Variants in USP49 observed in about 807,000 individuals in gnomAD.
USP49 encodes the protein ubiquitin specific peptidase 49, also known as ubiquitin carboxyl-terminal hydrolase 49.
Under a neutral mutation model 58.6 loss-of-function variants are expected in USP49, and 24 were observed. The ratio of observed to expected loss-of-function variants is 0.41; its 90% CI spans 0.30 to 0.58. The LOEUF (loss-of-function observed/expected upper bound fraction) is 0.58. Ranked by LOEUF, USP49 falls within the 20% of genes least tolerant of loss-of-function variation. The pLI is 0.30. For missense variants in USP49, 703 were observed against 866.1 expected (o/e 0.81, Z 2.36); for synonymous variants, 408 against 365.1 (o/e 1.12, Z -1.34).
intron 3 of USP49, among the ~76,000 whole-genome samples, chr6:41,853,070 C>G (rs2127351204): frequency 6.6e-6 from 1 of 152,288 alleles, no homozygotes; most frequent in Non-Finnish European, 1.5e-5. Flanking sequence ...CCTGTAATCC[C>G]TGTTACTCAG....
chr6:41,863,059 G>A (rs113294832), intron 3 of USP49, among the ~76,000 whole-genome samples: 2,516 of 152,118 alleles, frequency 0.017, 54 homozygotes, highest in African/African-American at 0.05. Context: ...TTACAGATGT[G>A]AGCCACCGCA....
At chr6:41,839,389 A>G (rs1393336934) in intron 3 of USP49, among the ~76,000 whole-genome samples, 2 of 126,974 alleles carry the variant, frequency 1.6e-5, no homozygotes, top group African/African-American at 2.9e-5. Flanking sequence ...TGGACAATAG[A>G]GCCAGGCCTT....
chr6:41,892,451 T>G (rs1167391116), intron 1 of USP49, among the ~76,000 whole-genome samples: 1 of 152,188 alleles, frequency 6.6e-6, no homozygotes, highest in Non-Finnish European at 1.5e-5. Context: ...AACTAATCCT[T>G]TTAAAATGTA....
chr6:41,881,639 T>C (rs1774610937), intron 2 of USP49, among the ~76,000 whole-genome samples: 1 of 152,096 alleles, frequency 6.6e-6, no homozygotes, highest in Admixed American at 6.6e-5. Flanking sequence ...CAGGAAATAA[T>C]GTTTTTGCTC....
chr6:41,842,711 T>C (rs1337287137), intron 3 of USP49, among the ~76,000 whole-genome samples: 2 of 152,156 alleles, frequency 1.3e-5, no homozygotes, highest in Non-Finnish European at 2.9e-5. Flanking sequence ...AGCCAGGTCT[T>C]ATGGACAACC....
chr6:41,892,994 C>T (rs941264563), intron 1 of USP49, among the ~76,000 whole-genome samples: 1 of 152,192 alleles, frequency 6.6e-6, no homozygotes, highest in African/African-American at 2.4e-5. Context: ...TCTTCCTTTT[C>T]ATTTCTAAAG....
intron 5 of USP49, among the ~76,000 whole-genome samples, chr6:41,802,417 A>ATT (rs1303647298): frequency 0.089 from 8,312 of 93,216 alleles, 562 homozygotes; most frequent in Middle Eastern, 0.14. Flanking sequence ...TTTTTATTTT[A>ATT]TTTTATTTTA....
At chr6:41,882,733 G>A (rs762425482) in intron 2 of USP49, among the ~76,000 whole-genome samples, 6 of 152,084 alleles carry the variant, frequency 3.9e-5, no homozygotes, top group Non-Finnish European at 5.9e-5. Flanking sequence ...TGGCTAACAC[G>A]GTGAAACCTC....
chr6:41,844,742 T>C (rs189968009), intron 3 of USP49, among the ~76,000 whole-genome samples: 4 of 132,190 alleles, frequency 3.0e-5, no homozygotes, highest in Admixed American at 2.9e-4. Flanking sequence ...ATTTCATTTT[T>C]TGACCTATTT....
chr6:41,802,448 A>ATTTTT (rs1363216201), intron 5 of USP49, among the ~76,000 whole-genome samples: 7 of 53,332 alleles, frequency 1.3e-4, no homozygotes, highest in South Asian at 6.6e-4. Flanking sequence ...TTATTTATTT[A>ATTTTT]TTTATTTATT....
intron 3 of USP49, among the ~76,000 whole-genome samples, chr6:41,865,990 C>T (rs1310557285): frequency 5.1e-5 from 7 of 138,412 alleles, no homozygotes; most frequent in African/African-American, 8.2e-5. Flanking sequence ...GGCGCGATCT[C>T]GGCTCACTGC....
intron 3 of USP49, among the ~76,000 whole-genome samples, chr6:41,870,668 C>G (rs1276059334): frequency 1.3e-5 from 2 of 149,748 alleles, no homozygotes; most frequent in African/African-American, 4.9e-5. Context: ...TCCCGAGTAG[C>G]TAGCCACCAC....
chr6:41,836,445 T>C (rs946120023), intron 3 of USP49, among the ~76,000 whole-genome samples: 2 of 152,134 alleles, frequency 1.3e-5, no homozygotes, highest in African/African-American at 4.8e-5. Context: ...AGAAGCATTC[T>C]ACCTGAGAAC....
chr6:41,807,037 GA>G, intron 3 of USP49, 26 bp from the exon 4 acceptor site: 1 of 1,180,282 alleles, frequency 8.5e-7, no homozygotes, highest in Non-Finnish European at 1.1e-6. Flanking sequence ...CCCCAAAAAA[GA>G]AAAAGAAAAA....
At chr6:41,861,182 G>A (rs1207203021) in intron 3 of USP49, among the ~76,000 whole-genome samples, 3 of 151,922 alleles carry the variant, frequency 2.0e-5, no homozygotes, top group Non-Finnish European at 2.9e-5. Context: ...AGTGGCTCAC[G>A]CCTGTAATCT....
At chr6:41,849,771 C>G (rs977395024) in intron 3 of USP49, among the ~76,000 whole-genome samples, 6 of 151,982 alleles carry the variant, frequency 3.9e-5, no homozygotes, top group Non-Finnish European at 1.5e-5. Context: ...CCACGCCCAG[C>G]TAATTTTTTG....
At chr6:41,801,537 T>C (rs920684456) in intron 5 of USP49, among the ~76,000 whole-genome samples, 5 of 152,202 alleles carry the variant, frequency 3.3e-5, no homozygotes, top group Non-Finnish European at 5.9e-5. Context: ...CTTGGCCTTA[T>C]TTTATATTCC....
chr6:41,828,272 A>G (rs994309043), intron 3 of USP49, among the ~76,000 whole-genome samples: 10 of 151,894 alleles, frequency 6.6e-5, no homozygotes, highest in Non-Finnish European at 1.0e-4. Flanking sequence ...GGGAAACCCC[A>G]TCTCTACTAA....
At chr6:41,893,724 A>G (rs1356713823) in intron 1 of USP49, among the ~76,000 whole-genome samples, 1 of 152,234 alleles carries the variant, frequency 6.6e-6, no homozygotes, top group Non-Finnish European at 1.5e-5. Flanking sequence ...AGTGGACAGG[A>G]AAGTCAAATC....
Sources: gnomAD v4.1 joint callset for allele counts (sites outside exome capture counted in the v4.1 genomes callset) on GRCh38, gnomAD v4.1.1 for gene constraint, MANE v1.5 for transcripts, NCBI Gene and HGNC (gene_info 2026-07-23, HGNC 2026-07-21) for gene names.